The following CTNNA3 variants were observed in gnomAD, a reference collection of about 807,000 sequenced individuals.
The protein encoded by CTNNA3 is catenin alpha 3.
A neutral mutation model predicts 95.7 loss-of-function variants in CTNNA3; 76 were observed. That is an observed-to-expected ratio of 0.79 (90% confidence interval 0.66 to 0.96). The LOEUF is 0.96. Ranked by LOEUF, CTNNA3 falls within the 40% of genes least tolerant of loss-of-function variation. The pLI is 0.00. For synonymous variants in CTNNA3, 431 were observed against 374.4 expected, an observed-to-expected ratio of 1.15 and a Z score of -1.74; for missense variants, 1,191 against 1,089.8, an observed-to-expected ratio of 1.09 and a Z score of -1.31.
At chr10:66,680,624 A>C (rs188556811) in intron 9 of CTNNA3, among the ~76,000 whole-genome samples, 93 of 152,258 alleles carry the variant, frequency 6.1e-4, no homozygotes, top group African/African-American at 2.2e-3. Flanking sequence ...TCCACTATTT[A>C]ATGTCCACAA....
chr10:67,729,729 A>G (rs1010028994), intron 1 of CTNNA3, among the ~76,000 whole-genome samples: 1 of 152,126 alleles, frequency 6.6e-6, no homozygotes, highest in Admixed American at 6.6e-5. Flanking sequence ...ATCAGTATCA[A>G]GTTTTCACAA....
chr10:66,830,604 T>TTC (rs386371667), intron 7 of CTNNA3, among the ~76,000 whole-genome samples: 1 of 14,000 alleles, frequency 7.1e-5, no homozygotes. Context: ...CTAATTTCTC[T>TTC]TTTTTTTTTT....
At chr10:67,655,507 C>T (rs1203310501) in intron 1 of CTNNA3, among the ~76,000 whole-genome samples, 2 of 152,110 alleles carry the variant, frequency 1.3e-5, no homozygotes, top group African/African-American at 2.4e-5. Context: ...ATCTTGAGGT[C>T]GCGTGCGGTG....
chr10:66,095,225 A>G (rs571675514), intron 14 of CTNNA3, among the ~76,000 whole-genome samples: 3 of 152,166 alleles, frequency 2.0e-5, no homozygotes, highest in Non-Finnish European at 4.4e-5. Context: ...TATAGGGCTT[A>G]TATGAGAACT....
chr10:67,042,697 A>G (rs1269846909), intron 7 of CTNNA3, among the ~76,000 whole-genome samples: 1 of 152,104 alleles, frequency 6.6e-6, no homozygotes, highest in East Asian at 1.9e-4. Context: ...TTAGAGGAAA[A>G]AAAAGAGGTG....
intron 5 of CTNNA3, among the ~76,000 whole-genome samples, chr10:67,310,447 A>C (rs1840745178): frequency 6.6e-6 from 1 of 152,202 alleles, no homozygotes; most frequent in South Asian, 2.1e-4. Flanking sequence ...TTAAATTTGT[A>C]AGAGGAAAAA....
intron 7 of CTNNA3, among the ~76,000 whole-genome samples, chr10:66,800,465 T>C (rs1841388562): frequency 6.6e-6 from 1 of 151,162 alleles, no homozygotes. Context: ...AAAAATTCAA[T>C]AACACTTCTT....
intron 7 of CTNNA3, among the ~76,000 whole-genome samples, chr10:66,908,528 G>T (rs756189505): frequency 3.3e-5 from 5 of 151,958 alleles, no homozygotes; most frequent in Non-Finnish European, 7.4e-5. Flanking sequence ...ATATGTTATG[G>T]ATGTTCTCTA....
chr10:66,082,246 T>A (rs2080794627), intron 14 of CTNNA3, among the ~76,000 whole-genome samples: 1 of 151,922 alleles, frequency 6.6e-6, no homozygotes, highest in Non-Finnish European at 1.5e-5. Flanking sequence ...AAAACCAACA[T>A]CACCAGAAAT....
At chr10:67,497,470 A>G (rs543454444) in intron 5 of CTNNA3, among the ~76,000 whole-genome samples, 25 of 152,316 alleles carry the variant, frequency 1.6e-4, no homozygotes, top group Admixed American at 8.5e-4. Context: ...GCTGGGTCCA[A>G]TGGTATTTCT....
At chr10:67,232,290 C>G (rs1045977291) in intron 5 of CTNNA3, among the ~76,000 whole-genome samples, 5 of 152,132 alleles carry the variant, frequency 3.3e-5, no homozygotes, top group African/African-American at 9.6e-5. Flanking sequence ...AAAGGGAAGC[C>G]CATCAGACTA....
intron 17 of CTNNA3, among the ~76,000 whole-genome samples, chr10:65,960,871 A>G (rs1418322303): frequency 6.6e-6 from 1 of 152,224 alleles, no homozygotes; most frequent in African/African-American, 2.4e-5. Flanking sequence ...ATATGACTGC[A>G]TAGTATGCCA....
At chr10:66,158,593 A>T (rs1198063540) in intron 13 of CTNNA3, among the ~76,000 whole-genome samples, 1 of 151,796 alleles carries the variant, frequency 6.6e-6, no homozygotes, top group Non-Finnish European at 1.5e-5. Flanking sequence ...AAGCCTCCAG[A>T]TTTGTTCTTT....
chr10:67,551,932 T>TA (rs1239775375), intron 3 of CTNNA3, among the ~76,000 whole-genome samples: 2 of 151,866 alleles, frequency 1.3e-5, no homozygotes, highest in Non-Finnish European at 2.9e-5. Context: ...AGGTCAAAAA[T>TA]ATTGGGTAAA....
chr10:66,006,255 C>G (rs188115365), intron 15 of CTNNA3, among the ~76,000 whole-genome samples: 3 of 151,850 alleles, frequency 2.0e-5, no homozygotes, highest in African/African-American at 7.3e-5. Flanking sequence ...CCTCGTGATC[C>G]GCCCGCCTCG....
chr10:67,187,029 C>T (rs1323021481), intron 6 of CTNNA3, among the ~76,000 whole-genome samples: 1 of 152,154 alleles, frequency 6.6e-6, no homozygotes, highest in Non-Finnish European at 1.5e-5. Context: ...ATTTTTATCT[C>T]TCTCTGGAGA....
rs1455156845 is a variant in CTNNA3, at chr10:66,346,207, G to C, written c.1732+32945C>G. Among the ~76,000 whole-genome samples, 6 of 74,878 alleles carry C rather than the reference G, an allele frequency of 8.0e-5. No individual in the cohort carries two copies. The Admixed American group carries it at 1.0e-3, about 13-fold the overall frequency. 49.1% of individuals were successfully genotyped at this position (74,878 alleles called of 152,430 possible). ...ATTAAATTGAATAGTAAGTATGTGT[G>C]TGTGTATATATATATATATATATAT... On this transcript the variant is annotated intron_variant, in intron 12 of 17. Coordinates refer to ENST00000433211, the MANE Select transcript of CTNNA3 (RefSeq NM_013266.4).
intron 15 of CTNNA3, among the ~76,000 whole-genome samples, chr10:66,033,315 T>A (rs1466806711): frequency 6.6e-6 from 1 of 151,426 alleles, no homozygotes; most frequent in Non-Finnish European, 1.5e-5. Flanking sequence ...TTTTGTATTT[T>A]TAGTAGAGAC....
At chr10:66,297,264 G>A (rs938511934) in intron 12 of CTNNA3, among the ~76,000 whole-genome samples, 1 of 151,898 alleles carries the variant, frequency 6.6e-6, no homozygotes, top group East Asian at 1.9e-4. Context: ...TGAAAAAGAC[G>A]GATCTACAGA....
Sources: allele counts gnomAD v4.1 joint callset (sites outside exome capture counted in the v4.1 genomes callset), GRCh38; gene constraint gnomAD v4.1.1; transcripts MANE v1.5; gene names NCBI Gene and HGNC (gene_info 2026-07-23, HGNC 2026-07-21).